TRERF1: variants seen among roughly 807,000 people sequenced by gnomAD.
TRERF1 encodes the protein transcriptional regulating factor 1, also known as transcriptional-regulating factor 1.
In TRERF1, 27 loss-of-function variants were observed where a neutral mutation model predicts 122.9. The ratio of observed to expected loss-of-function variants is 0.22; its 90% confidence interval spans 0.16 to 0.30. TRERF1 has a LOEUF of 0.30. Among genes scored for constraint, TRERF1 ranks in the 10% least tolerant of loss-of-function variants. TRERF1 has a pLI of 1.00. For synonymous variants in TRERF1, 636 were observed against 641.7 expected, an observed-to-expected ratio of 0.99 and a Z score of 0.13; for missense variants, 1,248 against 1,560.3, an observed-to-expected ratio of 0.80 and a Z score of 3.37.
intron 4 of TRERF1, among the ~76,000 whole-genome samples, chr6:42,292,904 T>C (rs919857011): frequency 1.3e-5 from 2 of 152,212 alleles, no homozygotes; most frequent in African/African-American, 4.8e-5. Flanking sequence ...TCGTTTTCTG[T>C]TTCAAGAGGG....
At chr6:42,336,748 G>A (rs1049043512) in intron 3 of TRERF1, among the ~76,000 whole-genome samples, 1 of 152,334 alleles carries the variant, frequency 6.6e-6, no homozygotes, top group Non-Finnish European at 1.5e-5. Context: ...CGGGACTGGA[G>A]AGTCAGCAGC....
Position 42,265,789 on chromosome 6 carries a change from T to A in TRERF1, c.1446A>T (p.Leu482=), listed in dbSNP as rs772563390. ...ACCCTGGCTGGGCTCTCCCATCAGG[T>A]AGGTGCATCTAATTTTGAGCCAAAC... The change falls in exon 6 of 18, where the codon CTA becomes CTT. Residue 482 remains leucine (L), a synonymous_variant. Transcript: ENST00000372922. 8.7e-6 allele frequency: 14 copies of A among 1,612,956 alleles called. No homozygotes were observed. The Admixed American group carries it at 1.2e-4, about 13-fold the overall frequency.
At chr6:42,246,335 C>A in intron 14 of TRERF1, 121 bp downstream of exon 14, 1 of 783,524 alleles carries the variant, frequency 1.3e-6, no homozygotes, top group African/African-American at 1.7e-5. Flanking sequence ...TCCTCACCAG[C>A]GAGTGTGGAA....
chr6:42,253,059 T>G (rs1424442165), intron 13 of TRERF1, among the ~76,000 whole-genome samples: 1 of 152,120 alleles, frequency 6.6e-6, no homozygotes, highest in Non-Finnish European at 1.5e-5. Context: ...AGAGATCAAT[T>G]AATTGTTGCA....
At chr6:42,313,768 T>C (rs962993157) in intron 3 of TRERF1, among the ~76,000 whole-genome samples, 9 of 152,132 alleles carry the variant, frequency 5.9e-5, no homozygotes, top group Non-Finnish European at 4.4e-5. Flanking sequence ...TTGAAAGACC[T>C]TGGATTTCAA....
At chr6:42,239,184 G>A (rs1160339006) in intron 15 of TRERF1, among the ~76,000 whole-genome samples, 1 of 152,202 alleles carries the variant, frequency 6.6e-6, no homozygotes, top group African/African-American at 2.4e-5. Flanking sequence ...GGACTGTGCT[G>A]TAGGTAACTG....
chr6:42,339,301 T>G (rs1486794836), intron 3 of TRERF1, among the ~76,000 whole-genome samples: 1 of 152,230 alleles, frequency 6.6e-6, no homozygotes, highest in African/African-American at 2.4e-5. Flanking sequence ...TCCTTCCATC[T>G]GCTTCACCTC....
intron 16 of TRERF1, among the ~76,000 whole-genome samples, chr6:42,233,486 C>G (rs900326042): frequency 6.6e-6 from 1 of 151,968 alleles, no homozygotes; most frequent in Non-Finnish European, 1.5e-5. Context: ...AGGGTTTCAC[C>G]GTGTTAGCCA....
intron 2 of TRERF1, among the ~76,000 whole-genome samples, chr6:42,437,628 A>C (rs1785697452): frequency 6.6e-6 from 1 of 152,142 alleles, no homozygotes; most frequent in Admixed American, 6.5e-5. Context: ...AAGGAAACTC[A>C]AGTCATGCTG....
intron 2 of TRERF1, among the ~76,000 whole-genome samples, chr6:42,440,552 G>A (rs1385511921): frequency 6.6e-6 from 1 of 152,138 alleles, no homozygotes; most frequent in Non-Finnish European, 1.5e-5. Context: ...GCGATCTGGA[G>A]CCCTAATGCT....
intron 2 of TRERF1, among the ~76,000 whole-genome samples, chr6:42,405,830 A>T (rs1287786610): frequency 6.6e-6 from 1 of 151,780 alleles, no homozygotes; most frequent in Admixed American, 6.6e-5. Flanking sequence ...AAAAAAATAA[A>T]AAAAAAATAG....
rs56057543 is a variant in TRERF1, at chr6:42,436,814, A to AATATAT, written c.-454+14357_-454+14362dup. ...ATCTCCCTCTACAAAAAAAAAAAAA[A>AATATAT]ATATATATATATATATATATATATA... On this transcript the variant is annotated intron_variant, in intron 2 of 17. Coordinates refer to ENST00000372922, the Ensembl canonical transcript of TRERF1. Among the ~76,000 whole-genome samples, 583 of 66,678 alleles carry AATATAT rather than the reference A, an allele frequency of 8.7e-3. 3 individuals are homozygous for AATATAT. The highest frequency in any genetic ancestry group is 0.015 in the South Asian group (17 of 1,112). 43.7% of individuals were successfully genotyped at this position (66,678 alleles called of 152,430 possible). A position where few individuals can be genotyped will look rare whatever the true frequency, so the allele number is the denominator to read the frequency against.
At chr6:42,384,775 G>T (rs1022396249) in intron 2 of TRERF1, among the ~76,000 whole-genome samples, 2 of 151,814 alleles carry the variant, frequency 1.3e-5, no homozygotes, top group South Asian at 2.1e-4. Flanking sequence ...AAATGTCTCA[G>T]GGTTTTATTT....
At chr6:42,260,848 T>C (rs2395829) in intron 8 of TRERF1, among the ~76,000 whole-genome samples, 1 of 152,120 alleles carries the variant, frequency 6.6e-6, no homozygotes, top group Non-Finnish European at 1.5e-5. Flanking sequence ...TGGGCTCCTC[T>C]CCCTCCAGAG....
At chr6:42,309,419 T>C (rs113843857) in intron 3 of TRERF1, among the ~76,000 whole-genome samples, 32 of 152,322 alleles carry the variant, frequency 2.1e-4, no homozygotes, top group Middle Eastern at 3.4e-3. Flanking sequence ...ACAGACCATA[T>C]TTTTTCTCTC....
At chr6:42,230,839 C>G (rs1381728202) in intron 17 of TRERF1, among the ~76,000 whole-genome samples, 1 of 152,152 alleles carries the variant, frequency 6.6e-6, no homozygotes, top group East Asian at 1.9e-4. Context: ...TGGGCTTAAT[C>G]AGACGCAGCA....
intron 4 of TRERF1, among the ~76,000 whole-genome samples, chr6:42,293,455 C>T (rs1784613775): frequency 6.6e-6 from 1 of 152,198 alleles, no homozygotes. Context: ...CTCCACATGG[C>T]TTGAGTGTTG....
At chr6:42,305,694 C>T (rs1000786250) in intron 3 of TRERF1, among the ~76,000 whole-genome samples, 2 of 151,824 alleles carry the variant, frequency 1.3e-5, no homozygotes, top group Non-Finnish European at 2.9e-5. Context: ...CTCCATGCCA[C>T]CCACAATTCA....
chr6:42,251,593 C>T (rs1449802289), intron 13 of TRERF1, among the ~76,000 whole-genome samples: 1 of 152,034 alleles, frequency 6.6e-6, no homozygotes, highest in East Asian at 1.9e-4. Context: ...CTCAGTACTG[C>T]CCTTGAGGGG....
Sources: gnomAD v4.1 joint callset for allele counts (sites outside exome capture counted in the v4.1 genomes callset) on GRCh38, gnomAD v4.1.1 for gene constraint, MANE v1.5 for transcripts, NCBI Gene and HGNC (gene_info 2026-07-23, HGNC 2026-07-21) for gene names.